The following HDAC9 variants were observed in gnomAD, a reference collection of about 807,000 sequenced individuals.
HDAC9 encodes the protein histone deacetylase 9.
Under a neutral mutation model 139.4 loss-of-function variants are expected in HDAC9, and 41 were observed. That is an observed-to-expected ratio of 0.29 (90% CI 0.23 to 0.38). The LOEUF (loss-of-function observed/expected upper bound fraction) is 0.38. HDAC9 is among the 10% of genes least tolerant of loss of function. The probability of loss-of-function intolerance (pLI) is 1.00; values close to 1 mark genes in which losing one functional copy is unlikely to be tolerated. For missense variants in HDAC9, 1,147 were observed against 1,297.0 expected (o/e 0.88, Z 1.78); for synonymous variants, 517 against 476.2 (o/e 1.09, Z -1.12).
chr7:18,129,912 A>G (rs1021476895), intron 1 of HDAC9, among the ~76,000 whole-genome samples: 4 of 152,194 alleles, frequency 2.6e-5, no homozygotes, highest in East Asian at 1.9e-4. Flanking sequence ...AGTGTCACCC[A>G]CTCTAGAATG....
chr7:18,209,342 A>C (rs951874216), intron 2 of HDAC9, among the ~76,000 whole-genome samples: 1 of 152,208 alleles, frequency 6.6e-6, no homozygotes, highest in African/African-American at 2.4e-5. Context: ...TCAGGGAGAA[A>C]TGAGCCCAGA....
intron 2 of HDAC9, among the ~76,000 whole-genome samples, chr7:18,249,879 T>C (rs1476213171): frequency 6.6e-6 from 1 of 152,148 alleles, no homozygotes; most frequent in Non-Finnish European, 1.5e-5. Flanking sequence ...AAATAAGGGT[T>C]TAATTAATTA....
intron 21 of HDAC9, among the ~76,000 whole-genome samples, chr7:18,850,226 T>A (rs1385425509): frequency 2.6e-5 from 4 of 152,152 alleles, no homozygotes; most frequent in African/African-American, 9.7e-5. Flanking sequence ...GAAAAAATAC[T>A]TTCCTTGAAT....
intron 21 of HDAC9, among the ~76,000 whole-genome samples, chr7:18,842,508 G>A (rs1796651018): frequency 6.6e-6 from 1 of 151,976 alleles, no homozygotes; most frequent in African/African-American, 2.4e-5. Context: ...TTTATTGCTA[G>A]TGTGAACCAC....
intron 2 of HDAC9, among the ~76,000 whole-genome samples, chr7:18,551,846 C>T (rs1301799736): frequency 6.6e-6 from 1 of 152,090 alleles, no homozygotes; most frequent in East Asian, 1.9e-4. Flanking sequence ...TTCCTTGAGC[C>T]GTTATTTACA....
At chr7:18,364,733 G>C (rs1429458104) in intron 1 of HDAC9, among the ~76,000 whole-genome samples, 1 of 152,092 alleles carries the variant, frequency 6.6e-6, no homozygotes, top group Non-Finnish European at 1.5e-5. Flanking sequence ...TGACAGATGA[G>C]ATTAAGACTA....
chr7:18,916,234 T>C (rs559798652), intron 22 of HDAC9, among the ~76,000 whole-genome samples: 5 of 151,996 alleles, frequency 3.3e-5, no homozygotes, highest in South Asian at 2.1e-4. Flanking sequence ...AGCCATTTCT[T>C]GGAGCATTGA....
chr7:18,575,476 C>G (rs113048336), intron 2 of HDAC9, among the ~76,000 whole-genome samples: 10 of 152,282 alleles, frequency 6.6e-5, no homozygotes, highest in African/African-American at 1.9e-4. Flanking sequence ...ACTGGGTTAT[C>G]CCTACTGAAG....
intron 17 of HDAC9, among the ~76,000 whole-genome samples, chr7:18,816,324 C>T (rs2520358): frequency 0.027 from 4,102 of 152,190 alleles, 193 homozygotes; most frequent in African/African-American, 0.095. Flanking sequence ...ATATAAATCA[C>T]GTGGAACTAT....
At chr7:18,652,613 C>A (rs1789658457) in intron 11 of HDAC9, among the ~76,000 whole-genome samples, 1 of 152,002 alleles carries the variant, frequency 6.6e-6, no homozygotes, top group Non-Finnish European at 1.5e-5. Context: ...TGCCCCATCC[C>A]CTTGACAACA....
chr7:18,152,795 A>G (rs1786881753), intron 1 of HDAC9, among the ~76,000 whole-genome samples: 1 of 152,234 alleles, frequency 6.6e-6, no homozygotes. Flanking sequence ...GATTGTTCTT[A>G]ACTTGAATAT....
chr7:18,367,342 T>C (rs1439852173), intron 1 of HDAC9, among the ~76,000 whole-genome samples: 1 of 152,144 alleles, frequency 6.6e-6, no homozygotes, highest in African/African-American at 2.4e-5. Flanking sequence ...CTGTTCTTCC[T>C]ATTTTTCAGG....
intron 5 of HDAC9, among the ~76,000 whole-genome samples, chr7:18,592,587 G>T (rs1831302760): frequency 6.6e-6 from 1 of 151,934 alleles, no homozygotes; most frequent in South Asian, 2.1e-4. Context: ...TATTAATATT[G>T]TAAGCAGCCT....
At chr7:18,325,464 G>A (rs987072148) in intron 1 of HDAC9, 1 of 151,984 alleles carries the variant, frequency 6.6e-6, no homozygotes, top group Non-Finnish European at 1.5e-5. Flanking sequence ...TCACCACAAT[G>A]TAATTATTAT....
intron 11 of HDAC9, among the ~76,000 whole-genome samples, chr7:18,657,922 C>T (rs1317582503): frequency 1.3e-5 from 2 of 152,090 alleles, no homozygotes; most frequent in African/African-American, 4.8e-5. Context: ...TCCCTTCCCT[C>T]TCTCTCTAGG....
intron 7 of HDAC9, among the ~76,000 whole-genome samples, chr7:18,629,772 G>T (rs1781776956): frequency 6.6e-6 from 1 of 152,116 alleles, no homozygotes; most frequent in African/African-American, 2.4e-5. Context: ...TTTTGGGAAT[G>T]CCAACCAGGA....
intron 6 of HDAC9, among the ~76,000 whole-genome samples, chr7:18,594,628 T>A (rs1348279437): frequency 6.6e-6 from 1 of 152,026 alleles, no homozygotes; most frequent in East Asian, 1.9e-4. Context: ...TAGAATTTAG[T>A]AAACAGTTCT....
At chr7:18,492,289 A>G (rs1796430081), upstream of HDAC9, among the ~76,000 whole-genome samples, 1 of 151,838 alleles carries the variant, frequency 6.6e-6, no homozygotes. Flanking sequence ...GTCTTTCAGG[A>G]TTGTGATCTA....
At chr7:18,973,619 A>C (rs1784382078) in intron 24 of HDAC9, among the ~76,000 whole-genome samples, 1 of 152,162 alleles carries the variant, frequency 6.6e-6, no homozygotes, top group Non-Finnish European at 1.5e-5. Flanking sequence ...CCAATCATGA[A>C]ATATTAGAGC....
Sources: allele counts gnomAD v4.1 joint callset (sites outside exome capture counted in the v4.1 genomes callset), GRCh38; gene constraint gnomAD v4.1.1; transcripts MANE v1.5; gene names NCBI Gene and HGNC (gene_info 2026-07-23, HGNC 2026-07-21).